The following SEMA3D variants were observed in gnomAD, a reference collection of about 807,000 sequenced individuals.
SEMA3D encodes the protein semaphorin-3D.
In SEMA3D, 84 loss-of-function variants were observed where a neutral mutation model predicts 100.1. That is an observed-to-expected ratio of 0.84 (90% CI 0.70 to 1.01). The LOEUF is 1.01. Ranked by LOEUF, SEMA3D falls within the 50% of genes least tolerant of loss-of-function variation. The pLI, the probability that SEMA3D is intolerant of heterozygous loss-of-function variation, is 0.00. For missense variants in SEMA3D, 875 were observed against 934.1 expected (o/e 0.94, Z 0.82); for synonymous variants, 312 against 320.7 (o/e 0.97, Z 0.29).
At chr7:85,028,474 T>G (rs1436065412) in intron 12 of SEMA3D, 1 of 369,552 alleles carries the variant, frequency 2.7e-6, no homozygotes, top group Non-Finnish European at 4.9e-6. Context: ...CTATGGAGGA[T>G]GGAATCTCTG....
intron 8 of SEMA3D, 105 bp downstream of exon 8, chr7:85,065,319 C>A: frequency 9.8e-7 from 1 of 1,024,560 alleles, no homozygotes. Flanking sequence ...TAATGTTGAG[C>A]TAAATTAATT....
At chr7:85,121,699 C>CA in intron 3 of SEMA3D, 42 bp downstream of exon 3, 1 of 1,144,390 alleles carries the variant, frequency 8.7e-7, no homozygotes. Context: ...AAAGACATTT[C>CA]AAAATCTTAA....
At chr7:85,026,216 A>G (rs759053932) in intron 12 of SEMA3D, among the ~76,000 whole-genome samples, 8 of 152,006 alleles carry the variant, frequency 5.3e-5, no homozygotes, top group Non-Finnish European at 1.2e-4. Context: ...CCCTTCTAGA[A>G]CCAACACCAG....
At position 84,995,704 on chromosome 7, in the gene SEMA3D, A is replaced by G. The variant is rs1053990572; in HGVS notation, c.*3736T>C. ...CAAAATTGATTGCTAACCACTCACAATACCAGAATTAAATTACATGATTAA... is the reference window on the plus strand; with the variant it reads ...CAAAATTGATTGCTAACCACTCACAGTACCAGAATTAAATTACATGATTAA... On this transcript the variant is annotated 3_prime_UTR_variant, in exon 19 of 19. Transcript: ENST00000284136. 3.3e-5 allele frequency: 5 copies of G among 152,048 alleles called. No individual in the cohort carries two copies. The highest frequency in any genetic ancestry group is 7.4e-5 in the Non-Finnish European group (5 of 67,914). The allele number at this position is 152,048 out of a possible 1,614,324, so 9.4% of individuals were successfully genotyped here.
At chr7:85,179,709 C>T (rs561915771) in intron 1 of SEMA3D, among the ~76,000 whole-genome samples, 22 of 151,080 alleles carry the variant, frequency 1.5e-4, no homozygotes, top group Non-Finnish European at 2.9e-4. Context: ...TTGCCCAGGC[C>T]GGACTGCAGT....
At chr7:85,121,318 A>G (rs1295700227) in intron 3 of SEMA3D, among the ~76,000 whole-genome samples, 3 of 152,098 alleles carry the variant, frequency 2.0e-5, no homozygotes, top group African/African-American at 4.8e-5. Flanking sequence ...TTCTATTACC[A>G]AGTACATATA....
At chr7:85,240,390 A>G in the SEMA3D span, among the ~76,000 whole-genome samples, 1 of 151,922 alleles carries the variant, frequency 6.6e-6, no homozygotes, top group Non-Finnish European at 1.5e-5. Context: ...GTATTATTGG[A>G]TTTGATTTGC....
At chr7:85,041,309 C>G (rs1790857279) in intron 10 of SEMA3D, 1 of 152,140 alleles carries the variant, frequency 6.6e-6, no homozygotes, top group Non-Finnish European at 1.5e-5. Flanking sequence ...GGTCCAAACA[C>G]CTCGGCCTCC....
At chr7:85,102,818 T>A (rs1269313776) in intron 3 of SEMA3D, among the ~76,000 whole-genome samples, 1 of 151,936 alleles carries the variant, frequency 6.6e-6, no homozygotes, top group Non-Finnish European at 1.5e-5. Flanking sequence ...AAAATAAATA[T>A]AAAGTTGATA....
At chr7:85,100,404 C>T (rs1330307176) in intron 3 of SEMA3D, among the ~76,000 whole-genome samples, 3 of 150,966 alleles carry the variant, frequency 2.0e-5, no homozygotes, top group Non-Finnish European at 3.0e-5. Flanking sequence ...TATCCAAATC[C>T]TTTCACTAGA....
At chr7:85,157,638 G>A (rs13225158) in intron 1 of SEMA3D, 332,764 of 973,942 alleles carry the variant, frequency 0.34, 58,454 homozygotes, top group South Asian at 0.44. Context: ...ATCAGTTTAT[G>A]CCGTACATAC....
intron 1 of SEMA3D, among the ~76,000 whole-genome samples, chr7:85,178,102 A>G (rs945997316): frequency 1.3e-5 from 2 of 152,156 alleles, no homozygotes; most frequent in African/African-American, 4.8e-5. Context: ...CCCTTCTGCC[A>G]TGATTGTAAG....
At chr7:85,052,773 T>C (rs999023207) in intron 9 of SEMA3D, among the ~76,000 whole-genome samples, 2 of 152,022 alleles carry the variant, frequency 1.3e-5, no homozygotes, top group African/African-American at 4.8e-5. Context: ...TCTAGTATAG[T>C]GCATTTTGCG....
the SEMA3D span, among the ~76,000 whole-genome samples, chr7:85,219,268 G>A: frequency 6.6e-6 from 1 of 152,110 alleles, no homozygotes; most frequent in African/African-American, 2.4e-5. Context: ...ATAAAACCAG[G>A]AGTCCTTGGG....
At chr7:85,117,859 A>G (rs890101710) in intron 3 of SEMA3D, among the ~76,000 whole-genome samples, 1 of 151,020 alleles carries the variant, frequency 6.6e-6, no homozygotes, top group African/African-American at 2.4e-5. Flanking sequence ...TATACATAAT[A>G]CATATAGATA....
At chr7:85,149,404 T>C (rs1237184042) in intron 2 of SEMA3D, among the ~76,000 whole-genome samples, 1 of 152,084 alleles carries the variant, frequency 6.6e-6, no homozygotes, top group East Asian at 1.9e-4. Flanking sequence ...GCCAAGATCG[T>C]GTCACTGCGT....
At chr7:85,095,628 C>T (rs1270846516) in intron 4 of SEMA3D, among the ~76,000 whole-genome samples, 1 of 152,000 alleles carries the variant, frequency 6.6e-6, no homozygotes, top group African/African-American at 2.4e-5. Context: ...CACTTATGTG[C>T]TACTGTGGAG....
chr7:85,081,954 A>G (rs1049908937), intron 4 of SEMA3D, among the ~76,000 whole-genome samples: 4 of 152,234 alleles, frequency 2.6e-5, no homozygotes, highest in Admixed American at 2.0e-4. Context: ...GTACATTATA[A>G]ACATGTGCCA....
chr7:85,144,672 T>C, intron 2 of SEMA3D: 1 of 985,314 alleles, frequency 1.0e-6, no homozygotes, highest in Non-Finnish European at 1.2e-6. Flanking sequence ...TAAGTCAGCC[T>C]GGAGCCCAAA....
Sources: gnomAD v4.1 joint callset for allele counts (sites outside exome capture counted in the v4.1 genomes callset) on GRCh38, gnomAD v4.1.1 for gene constraint, MANE v1.5 for transcripts, NCBI Gene and HGNC (gene_info 2026-07-23, HGNC 2026-07-21) for gene names.